The following EGFLAM variants were observed in gnomAD, a reference collection of about 807,000 sequenced individuals.
EGFLAM encodes the protein EGF like, fibronectin type III and laminin G domains, also known as pikachurin.
EGFLAM carries 79 observed loss-of-function variants against 113.1 expected under a neutral mutation model. The ratio of observed to expected loss-of-function variants is 0.70; its 90% CI spans 0.58 to 0.84. The LOEUF is 0.84. Among genes scored for constraint, EGFLAM ranks in the 40% least tolerant of loss-of-function variants. EGFLAM has a pLI of 0.00. For synonymous variants in EGFLAM, 504 were observed against 487.6 expected, an observed-to-expected ratio of 1.03 and a Z score of -0.44; for missense variants, 1,265 against 1,291.6, an observed-to-expected ratio of 0.98 and a Z score of 0.32.
chr5:38,428,628 G>C (rs1742091009), intron 14 of EGFLAM, among the ~76,000 whole-genome samples: 1 of 152,210 alleles, frequency 6.6e-6, no homozygotes, highest in African/African-American at 2.4e-5. Flanking sequence ...TGACCAGAAA[G>C]ATCCAGGAGA....
chr5:38,271,480 C>A (rs12654591), intron 1 of EGFLAM, among the ~76,000 whole-genome samples: 2,660 of 152,226 alleles, frequency 0.017, 47 homozygotes, highest in East Asian at 0.046. Context: ...CACAATATAG[C>A]CCCAACTCAC....
intron 6 of EGFLAM, among the ~76,000 whole-genome samples, chr5:38,403,060 T>A (rs1741165680): frequency 6.6e-6 from 1 of 152,172 alleles, no homozygotes; most frequent in Non-Finnish European, 1.5e-5. Flanking sequence ...TACTACCAAA[T>A]GGATTTCTTC....
chr5:38,460,492 T>C (rs1401064741), intron 20 of EGFLAM, among the ~76,000 whole-genome samples: 3 of 152,198 alleles, frequency 2.0e-5, no homozygotes, highest in African/African-American at 7.2e-5. Flanking sequence ...TTGGGAGGGA[T>C]AAGGCAGTGG....
intron 19 of EGFLAM, among the ~76,000 whole-genome samples, chr5:38,454,179 G>A (rs1026251102): frequency 2.6e-5 from 4 of 152,198 alleles, no homozygotes; most frequent in Non-Finnish European, 4.4e-5. Context: ...CTGATGTAGG[G>A]AAGCGTACCG....
intron 6 of EGFLAM, among the ~76,000 whole-genome samples, chr5:38,379,840 A>G (rs946182881): frequency 3.9e-5 from 6 of 152,022 alleles, no homozygotes; most frequent in Admixed American, 1.3e-4. Context: ...AAAAAAAAAA[A>G]AAGAAGAAAA....
At chr5:38,260,332 G>A (rs1045192468) in intron 1 of EGFLAM, among the ~76,000 whole-genome samples, 1 of 152,180 alleles carries the variant, frequency 6.6e-6, no homozygotes, top group Non-Finnish European at 1.5e-5. Context: ...TAGTTTTAAA[G>A]CATGAACAGT....
Position 38,418,148 on chromosome 5 carries a change from G to A in EGFLAM, c.1577G>A (p.Gly526Glu). Residue 526 changes from glycine (G) to glutamate (E), a missense_variant, in exon 12 of 22, where the codon GGG becomes GAG. Physicochemically the swap from Gly to Glu is moderately conservative, Grantham distance 98. Transcript: ENST00000322350. ...PSAYWLVRATGTNRGFQGCVQ... is the reference protein window; with the variant it reads ...PSAYWLVRATETNRGFQGCVQ... ...GCTTACTGGTTGGTTAGAGCAACAG[G>A]GACAAACCGAGGCTTTCAAGGCTGT... is the stretch of plus-strand genomic sequence containing the variant. 1 of 1,614,162 alleles carries A rather than the reference G, an allele frequency of 6.2e-7. No individual in the cohort carries two copies. Among genetic ancestry groups the A allele is most frequent in the Non-Finnish European group, 8.5e-7 (1 of 1,180,026 alleles).
chr5:38,365,390 G>A (rs1349943258), intron 5 of EGFLAM, among the ~76,000 whole-genome samples: 1 of 152,202 alleles, frequency 6.6e-6, no homozygotes, highest in East Asian at 1.9e-4. Context: ...GCTCTGATAT[G>A]TGATGAATCC....
chr5:38,338,290 G>A (rs1474382396), intron 2 of EGFLAM, among the ~76,000 whole-genome samples: 1 of 151,424 alleles, frequency 6.6e-6, no homozygotes. Flanking sequence ...CCCACCACCT[G>A]CTACTGTCTC....
chr5:38,349,526 A>G (rs1320725053), intron 3 of EGFLAM, among the ~76,000 whole-genome samples: 1 of 152,174 alleles, frequency 6.6e-6, no homozygotes, highest in African/African-American at 2.4e-5. Context: ...AATGAATTTA[A>G]TATCAGCGAC....
intron 3 of EGFLAM, among the ~76,000 whole-genome samples, chr5:38,346,106 C>T (rs1739466310): frequency 6.6e-6 from 1 of 152,094 alleles, no homozygotes; most frequent in Non-Finnish European, 1.5e-5. Flanking sequence ...CACCCTCTAC[C>T]CCTCAGAATG....
chr5:38,435,801 T>A (rs1742324828), intron 16 of EGFLAM, among the ~76,000 whole-genome samples: 1 of 137,214 alleles, frequency 7.3e-6, no homozygotes, highest in African/African-American at 2.7e-5. Context: ...CTCCCCCGGC[T>A]CTCTCTTTTT....
Position 38,313,834 on chromosome 5 carries a change from G to T in EGFLAM, c.98-23686G>T, listed in dbSNP as rs75598561. Among the ~76,000 whole-genome samples the T allele has an allele frequency of 6.8e-3, 1,036 of 152,072 alleles. 6 individuals carry two copies. The highest frequency in any genetic ancestry group is 0.011 in the Non-Finnish European group (720 of 67,964). On this transcript the variant is annotated intron_variant, in intron 1 of 21. Coordinates refer to ENST00000322350, the MANE Select transcript of EGFLAM (RefSeq NM_152403.4). ...AATAACTTGTCTATGTAAGCGTTTTGTCCATTTTTCTCTATGCACCATAAA... is the reference window on the plus strand; with the variant it reads ...AATAACTTGTCTATGTAAGCGTTTTTTCCATTTTTCTCTATGCACCATAAA...
intron 1 of EGFLAM, among the ~76,000 whole-genome samples, chr5:38,309,916 A>T (rs1444030470): frequency 6.6e-6 from 1 of 152,170 alleles, no homozygotes; most frequent in African/African-American, 2.4e-5. Context: ...AGTAACACCA[A>T]ATGCCACTGC....
chr5:38,429,430 T>C (rs1271529372), intron 14 of EGFLAM, among the ~76,000 whole-genome samples: 1 of 152,206 alleles, frequency 6.6e-6, no homozygotes, highest in African/African-American at 2.4e-5. Context: ...ATTGTGCCCA[T>C]TGGTATTCCT....
intron 5 of EGFLAM, among the ~76,000 whole-genome samples, chr5:38,358,197 G>T (rs1240338137): frequency 6.6e-5 from 10 of 151,776 alleles, no homozygotes; most frequent in Non-Finnish European, 1.3e-4. Context: ...TGTAATCCCA[G>T]CACTTTGGGA....
intron 6 of EGFLAM, among the ~76,000 whole-genome samples, chr5:38,397,999 T>C (rs1741007292): frequency 6.6e-6 from 1 of 152,226 alleles, no homozygotes; most frequent in Non-Finnish European, 1.5e-5. Flanking sequence ...TTCAGTCATT[T>C]TTTTGGCCAG....
chr5:38,379,828 G>GAAAAAAAAA (rs34833258), intron 6 of EGFLAM, among the ~76,000 whole-genome samples: 1 of 140,188 alleles, frequency 7.1e-6, no homozygotes. Flanking sequence ...CAGGCAAAAG[G>GAAAAAAAAA]AAAAAAAAAA....
intron 3 of EGFLAM, among the ~76,000 whole-genome samples, chr5:38,349,773 G>GCACACACACACACACACACA (rs57785664): frequency 5.3e-5 from 7 of 130,946 alleles, no homozygotes; most frequent in African/African-American, 8.4e-5. Context: ...AAGTACACAC[G>GCACACACACACACACACACA]CACACACACA....
Sources: gnomAD v4.1 joint callset for allele counts (sites outside exome capture counted in the v4.1 genomes callset) on GRCh38, gnomAD v4.1.1 for gene constraint, MANE v1.5 for transcripts, NCBI Gene and HGNC (gene_info 2026-07-23, HGNC 2026-07-21) for gene names.